Variants in ACSM5 observed in about 807,000 individuals in gnomAD.
The protein encoded by ACSM5 is acyl-coenzyme A synthetase ACSM5, mitochondrial.
In ACSM5, 56 loss-of-function variants were observed where a neutral mutation model predicts 71.6. The observed-to-expected ratio is 0.78, with a 90% CI of 0.63 to 0.98. The LOEUF is 0.98. Among genes scored for constraint, ACSM5 ranks in the 50% least tolerant of loss-of-function variants. The probability of loss-of-function intolerance (pLI) is 0.00; values close to 1 mark genes in which losing one functional copy is unlikely to be tolerated. For missense variants in ACSM5, 723 were observed against 726.0 expected (o/e 1.00, Z 0.05); for synonymous variants, 285 against 281.5 (o/e 1.01, Z -0.12).
chr16:20,431,370 C>T lies in ACSM5; in HGVS notation c.1308+49C>T, dbSNP rs750446518. The T allele has an allele frequency of 1.9e-5, 26 of 1,377,080 alleles. 1 individual carries two copies. Among genetic ancestry groups the T allele is most frequent in the Middle Eastern group, 3.6e-4 (2 of 5,626 alleles). 85.3% of individuals were successfully genotyped at this position (1,377,080 alleles called of 1,614,324 possible). A position where few individuals can be genotyped will look rare whatever the true frequency, so the allele number is the denominator to read the frequency against. On this transcript the variant is annotated intron_variant, in intron 10 of 13. Coordinates refer to ENST00000331849, the MANE Select transcript of ACSM5 (RefSeq NM_017888.3). Reference sequence around the variant, plus strand: ...CTCATGACAGTGACTGTGTGCTAAGCATTGTGCACCACACTTTGTAAATAT... The same window carrying T: ...CTCATGACAGTGACTGTGTGCTAAGTATTGTGCACCACACTTTGTAAATAT...
In ACSM5 at chr16:20,425,761, A is replaced by G. The variant is rs377440429; in HGVS notation, c.921+1692A>G. On this transcript the variant is annotated intron_variant, in intron 6 of 13. Coordinates refer to ENST00000331849, the MANE Select transcript of ACSM5 (RefSeq NM_017888.3). ...AGGTCCCTGCGAATGCCATTAATTC[A>G]TTCCTTTTTATGGCTGAGTTGTATT... is the stretch of plus-strand genomic sequence containing the variant. 1.3e-3 allele frequency among the ~76,000 whole-genome samples: 194 copies of G among 152,154 alleles called. 5 individuals are homozygous for G. In the South Asian group the frequency reaches 0.038, roughly 30 times the overall value.
intron 2 of ACSM5, among the ~76,000 whole-genome samples, chr16:20,415,125 G>T (rs1029849214): frequency 3.9e-5 from 6 of 152,122 alleles, no homozygotes; most frequent in Admixed American, 1.3e-4. Context: ...CTTCTTGCTG[G>T]TTATATTACA....
chr16:20,423,410 C>T (rs1040896309), intron 5 of ACSM5, among the ~76,000 whole-genome samples: 1 of 152,248 alleles, frequency 6.6e-6, no homozygotes, highest in African/African-American at 2.4e-5. Context: ...ACTCAAGTGT[C>T]ACTTCCTCTA....
At position 20,436,036 on chromosome 16, in the gene ACSM5, T is replaced by C. The variant is rs530325420; in HGVS notation, c.1309-1016T>C. Among the ~76,000 whole-genome samples, 157 of 51,118 alleles carry C rather than the reference T, an allele frequency of 3.1e-3. 3 individuals are homozygous for C. In the South Asian group the frequency reaches 0.088, roughly 29 times the overall value. The allele number at this position is 51,118 out of a possible 152,430, so 33.5% of individuals were successfully genotyped here. On this transcript the variant is annotated intron_variant, in intron 10 of 13. Coordinates refer to ENST00000331849, the MANE Select transcript of ACSM5 (RefSeq NM_017888.3). The stretch of plus-strand genomic sequence containing the variant: ...TTTTTCTTCATTCTTTCTTTCTTTT[T>C]CTTTCTTTCTCTTTCTTTCTCTTTT...
chr16:20,420,980 G>T (rs971179616), intron 4 of ACSM5: 8 of 232,434 alleles, frequency 3.4e-5, no homozygotes, highest in Non-Finnish European at 6.6e-5. Flanking sequence ...ACATGTGTGT[G>T]TTCTACCAGA....
chr16:20,418,014 C>G, intron 2 of ACSM5, 45 bp from the exon 3 acceptor site: 2 of 1,566,370 alleles, frequency 1.3e-6, no homozygotes, highest in South Asian at 2.3e-5. Flanking sequence ...AACAAAAATT[C>G]TCAATAAATT....
intron 7 of ACSM5, among the ~76,000 whole-genome samples, chr16:20,429,085 A>G (rs1967044784): frequency 6.6e-6 from 1 of 151,956 alleles, no homozygotes; most frequent in African/African-American, 2.4e-5. Flanking sequence ...ATCTCAGCTC[A>G]CTGCAACATC....
intron 4 of ACSM5, among the ~76,000 whole-genome samples, chr16:20,420,846 C>T (rs1430552148): frequency 6.6e-6 from 1 of 152,158 alleles, no homozygotes; most frequent in Non-Finnish European, 1.5e-5. Flanking sequence ...GATCACAGAA[C>T]TTTGGGAATT....
At chr16:20,421,539 A>G (rs1261298529) in intron 5 of ACSM5, 138 bp downstream of exon 5, 1 of 775,574 alleles carries the variant, frequency 1.3e-6, no homozygotes, top group Non-Finnish European at 1.8e-6. Flanking sequence ...GGAGCAGCTT[A>G]GGAAGGATCT....
chr16:20,431,181 A>T, intron 9 of ACSM5, 39 bp from the exon 10 acceptor site: 2 of 1,601,502 alleles, frequency 1.2e-6, no homozygotes, highest in African/African-American at 1.3e-5. Flanking sequence ...CAGGGTGTAG[A>T]CACTCACGTA....
chr16:20,410,206 C>T (rs548272035), intron 1 of ACSM5, among the ~76,000 whole-genome samples: 1 of 152,130 alleles, frequency 6.6e-6, no homozygotes, highest in South Asian at 2.1e-4. Context: ...CTTGTTGTGC[C>T]ACGTTATTAT....
intron 10 of ACSM5, among the ~76,000 whole-genome samples, chr16:20,432,672 T>A (rs2141658258): frequency 6.6e-6 from 1 of 152,246 alleles, no homozygotes; most frequent in East Asian, 1.9e-4. Flanking sequence ...TGGTACTTAG[T>A]GTGGAGCAGG....
chr16:20,413,385 A>C (rs1966851089), intron 2 of ACSM5, among the ~76,000 whole-genome samples: 1 of 152,212 alleles, frequency 6.6e-6, no homozygotes, highest in Non-Finnish European at 1.5e-5. Context: ...TCACTTATGA[A>C]GAACTGTTGT....
At chr16:20,419,660 G>C (rs1444656991) in intron 4 of ACSM5, 2 of 571,260 alleles carry the variant, frequency 3.5e-6, no homozygotes, top group African/African-American at 3.8e-5. Flanking sequence ...TGCTTCATTT[G>C]CTTCTATAAT....
chr16:20,432,585 T>C (rs965996422), intron 10 of ACSM5, among the ~76,000 whole-genome samples: 1 of 152,110 alleles, frequency 6.6e-6, no homozygotes, highest in Non-Finnish European at 1.5e-5. Flanking sequence ...CAATAGTAAA[T>C]CTTTGACCCC....
intron 7 of ACSM5, among the ~76,000 whole-genome samples, chr16:20,429,010 T>C (rs1323809741): frequency 6.6e-6 from 1 of 151,838 alleles, no homozygotes; most frequent in Non-Finnish European, 1.5e-5. Flanking sequence ...CTTTTATTTT[T>C]ATTTATTTAT....
rs1967276261 is a variant in ACSM5, at chr16:20,439,682, A to T, written c.1537-118A>T. The stretch of plus-strand genomic sequence containing the variant: ...TGTGTCATTGGCTGTGCCCAAAAAA[A>T]ACTAGTAGAACTTTCATGGTGCAAA... On this transcript the variant is annotated intron_variant, in intron 12 of 13. Coordinates refer to ENST00000331849, the MANE Select transcript of ACSM5 (RefSeq NM_017888.3). 3.2e-6 allele frequency: 4 copies of T among 1,262,594 alleles called. No individual in the cohort carries two copies. The Admixed American group carries it at 8.6e-5, about 27-fold the overall frequency. 78.2% of individuals were successfully genotyped at this position (1,262,594 alleles called of 1,614,324 possible). A position where few individuals can be genotyped will look rare whatever the true frequency, so the allele number is the denominator to read the frequency against.
At chr16:20,427,424 G>T (rs1367662235) in intron 6 of ACSM5, among the ~76,000 whole-genome samples, 1 of 152,234 alleles carries the variant, frequency 6.6e-6, no homozygotes, top group South Asian at 2.1e-4. Flanking sequence ...GATGGCTTGA[G>T]CATACTCAAA....
intron 2 of ACSM5, among the ~76,000 whole-genome samples, chr16:20,416,001 A>G (rs1299843268): frequency 6.6e-6 from 1 of 152,212 alleles, no homozygotes; most frequent in Non-Finnish European, 1.5e-5. Context: ...AAAAAGAACG[A>G]AATACATATA....
Sources: gnomAD v4.1 joint callset for allele counts (sites outside exome capture counted in the v4.1 genomes callset) on GRCh38, gnomAD v4.1.1 for gene constraint, MANE v1.5 for transcripts, NCBI Gene and HGNC (gene_info 2026-07-23, HGNC 2026-07-21) for gene names.